PBX1: variants seen among roughly 807,000 people sequenced by gnomAD.
PBX1 encodes the protein pre-B-cell leukemia transcription factor 1.
In PBX1, 6 loss-of-function variants were observed where a neutral mutation model predicts 53.4. The observed-to-expected ratio is 0.11, with a 90% confidence interval of 0.06 to 0.22. The LOEUF is 0.22. Among genes scored for constraint, PBX1 ranks in the 10% least tolerant of loss-of-function variants. The probability of loss-of-function intolerance (pLI) is 1.00; values close to 1 mark genes in which losing one functional copy is unlikely to be tolerated. For synonymous variants in PBX1, 204 were observed against 212.3 expected (o/e 0.96, Z 0.34); for missense variants, 251 against 551.4 (o/e 0.46, Z 5.46).
At chr1:164,647,854 G>A (rs768900183) in intron 2 of PBX1, among the ~76,000 whole-genome samples, 10 of 143,328 alleles carry the variant, frequency 7.0e-5, no homozygotes, top group African/African-American at 1.6e-4. Context: ...TTGCTCAGTC[G>A]CCCAGGCTGG....
At chr1:164,835,308 C>A (rs368198489) in intron 8 of PBX1, among the ~76,000 whole-genome samples, 1 of 149,816 alleles carries the variant, frequency 6.7e-6, no homozygotes, top group Admixed American at 6.7e-5. Flanking sequence ...ACATTTAATG[C>A]ACATTTTCTG....
chr1:164,779,313 A>T (rs926662951), intron 2 of PBX1, among the ~76,000 whole-genome samples: 2 of 152,092 alleles, frequency 1.3e-5, no homozygotes, highest in Non-Finnish European at 2.9e-5. Flanking sequence ...CCCAGCTGAA[A>T]TATAGGTTCT....
chr1:164,562,669 T>G (rs1653148626), intron 1 of PBX1: 1 of 152,268 alleles, frequency 6.6e-6, no homozygotes, highest in Non-Finnish European at 1.5e-5. Context: ...GTTTGCCCCC[T>G]GGCAATGCAT....
chr1:164,744,378 A>G (rs1438296965), intron 2 of PBX1, among the ~76,000 whole-genome samples: 5 of 152,204 alleles, frequency 3.3e-5, no homozygotes. Context: ...AGAATTTCCA[A>G]CCACAATGTC....
At chr1:164,859,078 A>C (rs1672038014) in intron 2 of PBX1, among the ~76,000 whole-genome samples, 1 of 152,212 alleles carries the variant, frequency 6.6e-6, no homozygotes, top group Non-Finnish European at 1.5e-5. Flanking sequence ...GCTTCTTACC[A>C]ACCAATACAA....
At position 164,846,558 on chromosome 1, in the gene PBX1, G is replaced by A. The variant is rs535268307; in HGVS notation, c.1201-26G>A. 2.5e-6 allele frequency: 4 copies of A among 1,608,314 alleles called. No individual in the cohort carries two copies. In the South Asian group the frequency reaches 4.4e-5, roughly 18 times the overall value. ...AACAGCCACCCAATCTCAGAGGACT[G>A]ACTTCTCTCCCTTTTTCCCTTCTAG... On this transcript the variant is annotated intron_variant, in intron 8 of 8. Coordinates refer to ENST00000420696, the MANE Select transcript of PBX1 (RefSeq NM_002585.4).
chr1:164,632,969 A>G (rs1430092227), intron 2 of PBX1, among the ~76,000 whole-genome samples: 1 of 152,172 alleles, frequency 6.6e-6, no homozygotes, highest in Non-Finnish European at 1.5e-5. Flanking sequence ...GTCTTGTTTT[A>G]TAGATAAGAA....
intron 2 of PBX1, among the ~76,000 whole-genome samples, chr1:164,602,791 A>G (rs1234098028): frequency 6.6e-6 from 1 of 151,540 alleles, no homozygotes; most frequent in African/African-American, 2.4e-5. Context: ...CTCTCTAGGC[A>G]CCTAATTTCT....
At chr1:164,568,390 G>C (rs1294070129) in intron 2 of PBX1, among the ~76,000 whole-genome samples, 1 of 152,038 alleles carries the variant, frequency 6.6e-6, no homozygotes, top group African/African-American at 2.4e-5. Flanking sequence ...CCTAGGTCCA[G>C]CTCCAAACAG....
chr1:164,851,037 T>G lies in PBX1; in HGVS notation c.*4361T>G. 1 of 223,848 alleles carries G rather than the reference T, an allele frequency of 4.5e-6. No homozygotes were observed. Among genetic ancestry groups the G allele is most frequent in the Non-Finnish European group, 8.9e-6 (1 of 112,116 alleles). 13.9% of individuals were successfully genotyped at this position (223,848 alleles called of 1,614,324 possible). On this transcript the variant is annotated 3_prime_UTR_variant, in exon 9 of 9. Coordinates refer to ENST00000420696, the MANE Select transcript of PBX1 (RefSeq NM_002585.4). ...CCTTGGGGCCAGTCTGCCAGCTGAG[T>G]CCTGGTTTTGGATGAAGAGTTAATG...
chr1:164,677,095 TTTTTTTTTA>T (rs986929426), intron 2 of PBX1, among the ~76,000 whole-genome samples: 5 of 30,986 alleles, frequency 1.6e-4, no homozygotes, highest in African/African-American at 4.6e-4. Context: ...TTTTTTTTTT[TTTTTTTTTA>T]AGACGGAGTC....
chr1:164,676,778 G>T (rs1412048882), intron 2 of PBX1, among the ~76,000 whole-genome samples: 1 of 152,154 alleles, frequency 6.6e-6, no homozygotes, highest in Non-Finnish European at 1.5e-5. Flanking sequence ...CTCCCTAGCT[G>T]CCAAGTGTTC....
intron 2 of PBX1, among the ~76,000 whole-genome samples, chr1:164,573,325 T>G (rs1653999899): frequency 6.6e-6 from 1 of 151,954 alleles, no homozygotes; most frequent in South Asian, 2.1e-4. Flanking sequence ...AAGAAACAAG[T>G]GAAATGAATT....
chr1:164,657,851 C>T (rs1660251968), intron 2 of PBX1, among the ~76,000 whole-genome samples: 3 of 152,218 alleles, frequency 2.0e-5, no homozygotes, highest in Admixed American at 2.0e-4. Flanking sequence ...CCCATGCAAC[C>T]TGCATGCTGT....
intron 2 of PBX1, among the ~76,000 whole-genome samples, chr1:164,858,287 G>T (rs1001364528): frequency 1.3e-5 from 2 of 152,202 alleles, no homozygotes; most frequent in Middle Eastern, 3.4e-3. Flanking sequence ...GTCCAAGTAT[G>T]TGCCTTGTAA....
At chr1:164,690,013 A>C (rs556222764) in intron 2 of PBX1, among the ~76,000 whole-genome samples, 2 of 152,308 alleles carry the variant, frequency 1.3e-5, no homozygotes, top group African/African-American at 4.8e-5. Flanking sequence ...CCATTATGTG[A>C]ATTAAATATG....
At chr1:164,863,467 C>A (rs1218284342) in intron 2 of PBX1, among the ~76,000 whole-genome samples, 2 of 152,202 alleles carry the variant, frequency 1.3e-5, no homozygotes, top group Non-Finnish European at 2.9e-5. Context: ...AGTTCCTACT[C>A]TCAGGGTGTT....
intron 2 of PBX1, among the ~76,000 whole-genome samples, chr1:164,875,500 A>G (rs760647115): frequency 6.6e-6 from 1 of 152,016 alleles, no homozygotes; most frequent in African/African-American, 2.4e-5. Context: ...ACAGGGTCTC[A>G]GTTGCCTAGG....
chr1:164,607,764 G>A (rs995207456), intron 2 of PBX1, among the ~76,000 whole-genome samples: 2 of 152,156 alleles, frequency 1.3e-5, no homozygotes, highest in African/African-American at 4.8e-5. Flanking sequence ...TTAGTGGAGA[G>A]GTTAAGAACA....
Sources: allele counts gnomAD v4.1 joint callset (sites outside exome capture counted in the v4.1 genomes callset), GRCh38; gene constraint gnomAD v4.1.1; transcripts MANE v1.5; gene names NCBI Gene and HGNC (gene_info 2026-07-23, HGNC 2026-07-21).